The following EDIL3 variants were observed in gnomAD, a reference collection of about 807,000 sequenced individuals.
EDIL3 encodes EGF-like repeat and discoidin I-like domain-containing protein 3.
EDIL3 carries 37 observed loss-of-function variants against 67.4 expected under a neutral mutation model. The observed-to-expected ratio is 0.55, with a 90% CI of 0.42 to 0.72. EDIL3 has a LOEUF of 0.72. Ranked by LOEUF, EDIL3 falls within the 30% of genes least tolerant of loss-of-function variation. The pLI is 0.00. For missense variants in EDIL3, 527 were observed against 586.3 expected (o/e 0.90, Z 1.04); for synonymous variants, 195 against 196.3 (o/e 0.99, Z 0.05).
intron 9 of EDIL3, among the ~76,000 whole-genome samples, chr5:83,991,424 C>A (rs1745148949): frequency 6.6e-6 from 1 of 152,120 alleles, no homozygotes; most frequent in African/African-American, 2.4e-5. Context: ...CTCATCGATT[C>A]ACCATCTACT....
At chr5:83,974,435 A>G (rs1479059547) in intron 9 of EDIL3, among the ~76,000 whole-genome samples, 1 of 151,992 alleles carries the variant, frequency 6.6e-6, no homozygotes, top group Non-Finnish European at 1.5e-5. Context: ...TCTGGGGTTA[A>G]GAGCCACTGA....
At chr5:84,213,776 ATTTTAT>A (rs944518557) in intron 3 of EDIL3, among the ~76,000 whole-genome samples, 4 of 152,254 alleles carry the variant, frequency 2.6e-5, no homozygotes, top group Admixed American at 6.5e-5. Flanking sequence ...GGTATGTTTT[ATTTTAT>A]TTTTAAGTAT....
At chr5:84,076,795 C>G (rs951544643) in intron 6 of EDIL3, among the ~76,000 whole-genome samples, 1 of 152,088 alleles carries the variant, frequency 6.6e-6, no homozygotes, top group Non-Finnish European at 1.5e-5. Flanking sequence ...CAATATCTGC[C>G]TGATACCCAG....
intron 4 of EDIL3, among the ~76,000 whole-genome samples, chr5:84,162,771 C>T (rs1262259655): frequency 6.6e-6 from 1 of 152,106 alleles, no homozygotes; most frequent in Non-Finnish European, 1.5e-5. Context: ...CTGCCATATT[C>T]TAGAACTGTA....
At chr5:84,249,431 C>CT (rs70975547) in intron 2 of EDIL3, among the ~76,000 whole-genome samples, 7 of 139,546 alleles carry the variant, frequency 5.0e-5, no homozygotes, top group African/African-American at 1.9e-4. Context: ...ATCTATCTAT[C>CT]ATCTATTTTT....
rs541500245 is a variant in EDIL3 at position 84,210,845 on chromosome 5, C to T, written c.226+19010G>A. ...CCAGAAATGCAAAATATGAGAGCTG[C>T]AAAAGTAAATATTCCACCATCCTTA... On this transcript the variant is annotated intron_variant, in intron 3 of 10. Coordinates refer to ENST00000296591, the MANE Select transcript of EDIL3 (RefSeq NM_005711.5). 3.9e-5 allele frequency among the ~76,000 whole-genome samples: 6 copies of T among 152,244 alleles called. No individual in the cohort carries two copies. The South Asian group carries it at 1.2e-3, about 32-fold the overall frequency.
intron 3 of EDIL3, among the ~76,000 whole-genome samples, chr5:84,212,997 TAA>T (rs199898963): frequency 2.8e-4 from 30 of 108,868 alleles, no homozygotes; most frequent in Non-Finnish European, 2.5e-4. Context: ...CAGAGAAGAC[TAA>T]AAAAAAAAAA....
chr5:84,339,857 T>C (rs1747064518), intron 1 of EDIL3, among the ~76,000 whole-genome samples: 2 of 152,078 alleles, frequency 1.3e-5, no homozygotes, highest in African/African-American at 2.4e-5. Flanking sequence ...CTTTCTTAAG[T>C]AGCCTTAATC....
chr5:84,050,792 G>C (rs1288446487), intron 9 of EDIL3, among the ~76,000 whole-genome samples: 1 of 152,202 alleles, frequency 6.6e-6, no homozygotes, highest in Non-Finnish European at 1.5e-5. Context: ...GCTGAGGCTT[G>C]AGAAGGTAAA....
chr5:84,301,525 A>C lies in EDIL3; in HGVS notation c.68-47313T>G, dbSNP rs551816442. On this transcript the variant is annotated intron_variant, in intron 1 of 10. Transcript: ENST00000296591. ...CTTGCTATCATGGGCGAAATACAGA[A>C]ATGGAATGGTCAGCTCCTTCTTGCT... is the stretch of plus-strand genomic sequence containing the variant. 4.6e-5 allele frequency among the ~76,000 whole-genome samples: 7 copies of C among 152,236 alleles called. No individual in the cohort carries two copies. The East Asian group carries it at 1.4e-3, about 29-fold the overall frequency.
chr5:84,365,500 T>C (rs1747710131), intron 1 of EDIL3, among the ~76,000 whole-genome samples: 1 of 152,158 alleles, frequency 6.6e-6, no homozygotes, highest in South Asian at 2.1e-4. Flanking sequence ...ACACAACTTA[T>C]AGTCTATCTT....
At chr5:84,060,716 AACAAG>A (rs1309884643) in intron 8 of EDIL3, among the ~76,000 whole-genome samples, 8 of 152,200 alleles carry the variant, frequency 5.3e-5, no homozygotes, top group Admixed American at 1.3e-4. Context: ...AAAAATTGAA[AACAAG>A]ACAGACAATT....
intron 6 of EDIL3, among the ~76,000 whole-genome samples, chr5:84,086,498 T>A (rs1747074820): frequency 6.6e-6 from 1 of 151,936 alleles, no homozygotes. Context: ...GCCTAACCAA[T>A]CCAGTGAGAT....
At chr5:84,250,471 G>C (rs746046580) in intron 2 of EDIL3, among the ~76,000 whole-genome samples, 7 of 152,240 alleles carry the variant, frequency 4.6e-5, no homozygotes, top group Non-Finnish European at 8.8e-5. Flanking sequence ...CAAGTGATGT[G>C]AGTATTGATT....
At chr5:84,347,611 C>G (rs1264551806) in intron 1 of EDIL3, among the ~76,000 whole-genome samples, 2 of 152,122 alleles carry the variant, frequency 1.3e-5, no homozygotes, top group Non-Finnish European at 2.9e-5. Flanking sequence ...AAATTCTAGT[C>G]ACATTAAAGT....
At chr5:84,149,653 A>G (rs1207961250) in intron 4 of EDIL3, among the ~76,000 whole-genome samples, 1 of 152,174 alleles carries the variant, frequency 6.6e-6, no homozygotes, top group Non-Finnish European at 1.5e-5. Flanking sequence ...ACACTCAAGA[A>G]ACAAAAAAGA....
chr5:84,056,614 G>C (rs1746452478), intron 9 of EDIL3, among the ~76,000 whole-genome samples: 1 of 152,048 alleles, frequency 6.6e-6, no homozygotes, highest in Non-Finnish European at 1.5e-5. Context: ...CCAGATATCT[G>C]ATTAGGTTTT....
At chr5:84,344,373 C>G (rs1747194407) in intron 1 of EDIL3, among the ~76,000 whole-genome samples, 1 of 152,056 alleles carries the variant, frequency 6.6e-6, no homozygotes, top group Non-Finnish European at 1.5e-5. Context: ...TCATATGTGA[C>G]TGAGCACATA....
chr5:84,182,978 T>C (rs1306311470), intron 3 of EDIL3, among the ~76,000 whole-genome samples: 1 of 152,166 alleles, frequency 6.6e-6, no homozygotes, highest in Non-Finnish European at 1.5e-5. Flanking sequence ...TGACTAGTTA[T>C]AGAACAATTT....
Sources: allele counts gnomAD v4.1 joint callset (sites outside exome capture counted in the v4.1 genomes callset), GRCh38; gene constraint gnomAD v4.1.1; transcripts MANE v1.5; gene names NCBI Gene and HGNC (gene_info 2026-07-23, HGNC 2026-07-21).